Variants in ZNF804B observed in about 807,000 individuals in gnomAD.
ZNF804B encodes zinc finger protein 804B.
Under a neutral mutation model 101.4 loss-of-function variants are expected in ZNF804B, and 80 were observed. The observed-to-expected ratio is 0.79, with a 90% CI of 0.66 to 0.95. ZNF804B has a LOEUF of 0.95. Among genes scored for constraint, ZNF804B ranks in the 40% least tolerant of loss-of-function variants. ZNF804B has a pLI of 0.00. For synonymous variants in ZNF804B, 622 were observed against 558.8 expected (o/e 1.11, Z -1.59); for missense variants, 1,673 against 1,561.9 (o/e 1.07, Z -1.20).
chr7:88,809,665 A>AT (rs550288999), intron 1 of ZNF804B, among the ~76,000 whole-genome samples: 9 of 152,118 alleles, frequency 5.9e-5, no homozygotes, highest in African/African-American at 1.9e-4. Flanking sequence ...AAACCCATGA[A>AT]TTTTTTTATG....
intron 1 of ZNF804B, among the ~76,000 whole-genome samples, chr7:89,182,314 A>G (rs987966705): frequency 4.6e-5 from 7 of 152,322 alleles, no homozygotes; most frequent in Non-Finnish European, 7.4e-5. Context: ...TCAGCAATCA[A>G]AATTCTGCTA....
chr7:88,812,473 A>G (rs916946869), intron 1 of ZNF804B, among the ~76,000 whole-genome samples: 5 of 152,172 alleles, frequency 3.3e-5, no homozygotes, highest in African/African-American at 1.2e-4. Context: ...CAAAGCACAA[A>G]AATAGATTTA....
At chr7:89,029,373 GGA>G (rs1788799152) in intron 1 of ZNF804B, among the ~76,000 whole-genome samples, 1 of 152,094 alleles carries the variant, frequency 6.6e-6, no homozygotes, top group Admixed American at 6.6e-5. Context: ...CAAAATGCTG[GGA>G]TTACAGGTGT....
At chr7:89,251,963 A>T (rs1163565343) in intron 2 of ZNF804B, among the ~76,000 whole-genome samples, 1 of 152,216 alleles carries the variant, frequency 6.6e-6, no homozygotes, top group Non-Finnish European at 1.5e-5. Context: ...CCTAGAAGAG[A>T]ACCTAAGAAA....
chr7:89,027,342 A>G (rs1788766547), intron 1 of ZNF804B, among the ~76,000 whole-genome samples: 3 of 152,308 alleles, frequency 2.0e-5, no homozygotes, highest in Non-Finnish European at 1.5e-5. Context: ...CGATAGGAAA[A>G]GGATTCTGCA....
intron 1 of ZNF804B, among the ~76,000 whole-genome samples, chr7:89,031,098 A>T (rs920905731): frequency 1.3e-5 from 2 of 152,030 alleles, no homozygotes; most frequent in Non-Finnish European, 2.9e-5. Context: ...GCAGCAAACC[A>T]ACATGGCACA....
rs374303452 is a variant in ZNF804B, at chr7:89,038,681, T to C, written c.109-179474T>C. 2.6e-5 allele frequency among the ~76,000 whole-genome samples: 4 copies of C among 152,242 alleles called. No homozygotes were observed. In the East Asian group the frequency reaches 7.7e-4, roughly 29 times the overall value. On this transcript the variant is annotated intron_variant, in intron 1 of 3. Transcript: ENST00000333190. ...GCTATTCAGTTTGATATAATCCCAT[T>C]CACCTAGTTTTGCTTTTATTGCCTT...
intron 3 of ZNF804B, among the ~76,000 whole-genome samples, chr7:89,332,732 G>C (rs944072307): frequency 6.6e-6 from 1 of 151,776 alleles, no homozygotes; most frequent in Admixed American, 6.6e-5. Context: ...TGGTGAGTAA[G>C]AAGCAGAAGA....
At chr7:88,821,739 A>G (rs762010481) in intron 1 of ZNF804B, among the ~76,000 whole-genome samples, 1 of 152,196 alleles carries the variant, frequency 6.6e-6, no homozygotes, top group Non-Finnish European at 1.5e-5. Flanking sequence ...CTATAGTTTT[A>G]AAAGTATCTG....
At chr7:88,805,091 A>T (rs141292236) in intron 1 of ZNF804B, among the ~76,000 whole-genome samples, 1 of 152,188 alleles carries the variant, frequency 6.6e-6, no homozygotes, top group Non-Finnish European at 1.5e-5. Context: ...TATGACACTT[A>T]ATATTGAGAA....
intron 1 of ZNF804B, among the ~76,000 whole-genome samples, chr7:89,205,181 C>T (rs1343827195): frequency 6.6e-6 from 1 of 152,156 alleles, no homozygotes; most frequent in East Asian, 1.9e-4. Context: ...GATTCAATCA[C>T]CTCCCACCAG....
intron 1 of ZNF804B, among the ~76,000 whole-genome samples, chr7:89,101,504 T>C (rs1790055068): frequency 6.6e-6 from 1 of 151,996 alleles, no homozygotes; most frequent in South Asian, 2.1e-4. Context: ...TTCTCACTTT[T>C]AAGACTATAA....
At chr7:89,199,864 A>G (rs1454120398) in intron 1 of ZNF804B, among the ~76,000 whole-genome samples, 10 of 148,562 alleles carry the variant, frequency 6.7e-5, no homozygotes, top group Non-Finnish European at 1.3e-4. Context: ...ATATGTATAC[A>G]TTATATATGT....
At chr7:89,277,472 T>G (rs1454043048) in intron 2 of ZNF804B, among the ~76,000 whole-genome samples, 1 of 3,030 alleles carries the variant, frequency 3.3e-4, no homozygotes, top group African/African-American at 1.6e-3. Flanking sequence ...ATGCTATCCC[T>G]CCCCCCTCCC....
At chr7:89,126,254 A>G (rs1790472831) in intron 1 of ZNF804B, among the ~76,000 whole-genome samples, 1 of 152,002 alleles carries the variant, frequency 6.6e-6, no homozygotes, top group South Asian at 2.1e-4. Flanking sequence ...ACAGTGCTGT[A>G]TACTGGGTTT....
intron 2 of ZNF804B, among the ~76,000 whole-genome samples, chr7:89,238,775 A>G (rs529913537): frequency 6.6e-6 from 1 of 152,290 alleles, no homozygotes; most frequent in East Asian, 1.9e-4. Flanking sequence ...GGAACTAGTG[A>G]TGTTGATCAA....
At chr7:89,175,171 G>T (rs1311883912) in intron 1 of ZNF804B, among the ~76,000 whole-genome samples, 1 of 151,642 alleles carries the variant, frequency 6.6e-6, no homozygotes, top group Non-Finnish European at 1.5e-5. Context: ...GACCTGGAGA[G>T]TTTCCCCAAA....
intron 1 of ZNF804B, among the ~76,000 whole-genome samples, chr7:89,063,997 G>T (rs766443076): frequency 3.3e-5 from 5 of 152,150 alleles, no homozygotes; most frequent in Non-Finnish European, 7.4e-5. Context: ...GTTGGTGGTT[G>T]TGTCAGTGAA....
chr7:88,954,686 G>C (rs2116076382), intron 1 of ZNF804B, among the ~76,000 whole-genome samples: 1 of 151,742 alleles, frequency 6.6e-6, no homozygotes, highest in South Asian at 2.1e-4. Context: ...TGGTTTTGGG[G>C]TCACCTGTTA....
Sources: allele counts gnomAD v4.1 joint callset (sites outside exome capture counted in the v4.1 genomes callset), GRCh38; gene constraint gnomAD v4.1.1; transcripts MANE v1.5; gene names NCBI Gene and HGNC (gene_info 2026-07-23, HGNC 2026-07-21).